Variants in ATE1 observed in about 807,000 individuals in gnomAD.
ATE1 encodes the protein arginyltransferase 1.
A neutral mutation model predicts 70.5 loss-of-function variants in ATE1; 36 were observed. The ratio of observed to expected loss-of-function variants is 0.51; its 90% CI spans 0.39 to 0.67. The LOEUF (loss-of-function observed/expected upper bound fraction) is 0.67. Among genes scored for constraint, ATE1 ranks in the 30% least tolerant of loss-of-function variants. The probability of loss-of-function intolerance (pLI) is 0.00; values close to 1 mark genes in which losing one functional copy is unlikely to be tolerated. For missense variants in ATE1, 593 were observed against 629.5 expected, an observed-to-expected ratio of 0.94 and a Z score of 0.62; for synonymous variants, 232 against 219.3, an observed-to-expected ratio of 1.06 and a Z score of -0.51.
chr10:121,784,499 G>A (rs540764137), intron 11 of ATE1, among the ~76,000 whole-genome samples: 1 of 152,226 alleles, frequency 6.6e-6, no homozygotes, highest in Admixed American at 6.5e-5. Context: ...TAAACCAAGA[G>A]TCATGTTAGC....
intron 10 of ATE1, among the ~76,000 whole-genome samples, chr10:121,834,227 A>G (rs1948352585): frequency 6.6e-6 from 1 of 152,050 alleles, no homozygotes; most frequent in South Asian, 2.1e-4. Flanking sequence ...ATTAATGTCT[A>G]CCACACAGCA....
At chr10:121,819,519 A>G (rs547385255) in intron 10 of ATE1, among the ~76,000 whole-genome samples, 1 of 151,916 alleles carries the variant, frequency 6.6e-6, no homozygotes, top group African/African-American at 2.4e-5. Flanking sequence ...CCTGGCTAAC[A>G]TGGTGAAACC....
At chr10:121,763,358 A>C (rs1945135206) in intron 11 of ATE1, among the ~76,000 whole-genome samples, 1 of 152,238 alleles carries the variant, frequency 6.6e-6, no homozygotes, top group African/African-American at 2.4e-5. Flanking sequence ...GAAACAACAA[A>C]CATGTCCTTC....
chr10:121,746,244 G>A (rs549760828), intron 11 of ATE1, among the ~76,000 whole-genome samples: 3 of 152,206 alleles, frequency 2.0e-5, no homozygotes, highest in East Asian at 3.9e-4. Context: ...TTTCCATTAG[G>A]AATAAAGTGC....
At chr10:121,827,316 T>C (rs1449221505) in intron 10 of ATE1, among the ~76,000 whole-genome samples, 1 of 152,164 alleles carries the variant, frequency 6.6e-6, no homozygotes, top group Non-Finnish European at 1.5e-5. Context: ...CCAGCAAATT[T>C]TTTTTAAAAA....
intron 10 of ATE1, among the ~76,000 whole-genome samples, chr10:121,790,930 T>G (rs1946404957): frequency 7.3e-6 from 1 of 136,994 alleles, no homozygotes. Flanking sequence ...CATTTAAAAA[T>G]TTTATGTGTA....
intron 7 of ATE1, among the ~76,000 whole-genome samples, chr10:121,877,870 G>C (rs939423760): frequency 6.6e-6 from 1 of 152,162 alleles, no homozygotes; most frequent in African/African-American, 2.4e-5. Flanking sequence ...TGGCTGAGCA[G>C]TGTAACTCCC....
intron 11 of ATE1, among the ~76,000 whole-genome samples, chr10:121,770,927 T>C (rs533766128): frequency 1.3e-5 from 2 of 151,684 alleles, no homozygotes; most frequent in Non-Finnish European, 2.9e-5. Flanking sequence ...AAATTCTAAA[T>C]AAAGAAACAT....
At chr10:121,914,002 G>A (rs1951545345) in intron 3 of ATE1, 109 bp from the exon 4 acceptor site, 1 of 738,860 alleles carries the variant, frequency 1.4e-6, no homozygotes, top group Non-Finnish European at 2.1e-6. Flanking sequence ...TGAGATTTCT[G>A]GTTAAAGATG....
chr10:121,889,352 T>C (rs1369232104), intron 7 of ATE1, among the ~76,000 whole-genome samples: 1 of 151,986 alleles, frequency 6.6e-6, no homozygotes, highest in Non-Finnish European at 1.5e-5. Context: ...CGGAACATTC[T>C]AAAGATAATT....
chr10:121,927,393 C>G (rs1952138614), intron 1 of ATE1: 1 of 984,000 alleles, frequency 1.0e-6, no homozygotes, highest in African/African-American at 1.8e-5. Context: ...CCTGTACATT[C>G]GTCCAGGGAA....
intron 10 of ATE1, among the ~76,000 whole-genome samples, chr10:121,815,509 G>A (rs1049909248): frequency 3.3e-5 from 5 of 152,180 alleles, no homozygotes; most frequent in African/African-American, 1.2e-4. Flanking sequence ...ATATCTCATT[G>A]TAGAGAAACA....
rs940797932 is a variant in ATE1, at chr10:121,743,507, A to G, written c.*173T>C. On this transcript the variant is annotated 3_prime_UTR_variant, in exon 12 of 12. Transcript: ENST00000224652. The stretch of plus-strand genomic sequence containing the variant: ...CAGTTTTAAAATCTTTATATTAACT[A>G]TGAGATTCTCACAGATACATTGCCA... 4.0e-6 allele frequency: 5 copies of G among 1,244,666 alleles called. No homozygotes were observed. The African/African-American group carries it at 6.1e-5, about 15-fold the overall frequency. 77.1% of individuals were successfully genotyped at this position (1,244,666 alleles called of 1,614,324 possible). A position where few individuals can be genotyped will look rare whatever the true frequency, so the allele number is the denominator to read the frequency against.
intron 1 of ATE1, chr10:121,926,983 T>C: frequency 2.0e-6 from 2 of 985,426 alleles, no homozygotes; most frequent in Non-Finnish European, 2.4e-6. Flanking sequence ...ACCAAATCAT[T>C]CCCCACTTAC....
At chr10:121,919,623 C>T (rs915391912) in intron 3 of ATE1, among the ~76,000 whole-genome samples, 1 of 151,926 alleles carries the variant, frequency 6.6e-6, no homozygotes, top group Non-Finnish European at 1.5e-5. Context: ...CTAAAATTAA[C>T]ACGCAAAATG....
At chr10:121,870,528 G>A (rs1208822469) in intron 7 of ATE1, among the ~76,000 whole-genome samples, 1 of 152,076 alleles carries the variant, frequency 6.6e-6, no homozygotes, top group Non-Finnish European at 1.5e-5. Flanking sequence ...TGAGAAGAAG[G>A]TGAGGTTTTA....
intron 10 of ATE1, among the ~76,000 whole-genome samples, chr10:121,819,679 C>CAAAAAAAAAA (rs57035123): frequency 5.7e-5 from 3 of 52,726 alleles, no homozygotes; most frequent in Admixed American, 3.2e-4. Context: ...AAGACTGTCT[C>CAAAAAAAAAA]AAAAAAAAAA....
intron 7 of ATE1, among the ~76,000 whole-genome samples, chr10:121,889,814 TA>T (rs895010373): frequency 1.8e-3 from 263 of 142,378 alleles, no homozygotes; most frequent in Non-Finnish European, 1.6e-3. Context: ...CCTTGTCTCT[TA>T]AAAAAAAAAA....
At chr10:121,857,971 A>T (rs757294836) in intron 8 of ATE1, among the ~76,000 whole-genome samples, 6 of 152,226 alleles carry the variant, frequency 3.9e-5, no homozygotes, top group African/African-American at 7.2e-5. Context: ...GGCTTATTGC[A>T]CTTAGCATAA....
Sources: gnomAD v4.1 joint callset for allele counts (sites outside exome capture counted in the v4.1 genomes callset) on GRCh38, gnomAD v4.1.1 for gene constraint, MANE v1.5 for transcripts, NCBI Gene and HGNC (gene_info 2026-07-23, HGNC 2026-07-21) for gene names.